CNTNAP2: variants seen among roughly 807,000 people sequenced by gnomAD.
CNTNAP2 encodes contactin-associated protein-like 2.
A neutral mutation model predicts 155.2 loss-of-function variants in CNTNAP2; 98 were observed. The ratio of observed to expected loss-of-function variants is 0.63; its 90% CI spans 0.54 to 0.75. The LOEUF (loss-of-function observed/expected upper bound fraction) is 0.75, where lower values mean the gene tolerates loss of function less well. Ranked by LOEUF, CNTNAP2 falls within the 30% of genes least tolerant of loss-of-function variation. CNTNAP2 has a pLI of 0.00. For synonymous variants in CNTNAP2, 651 were observed against 631.2 expected (o/e 1.03, Z -0.47); for missense variants, 1,727 against 1,688.1 (o/e 1.02, Z -0.40).
intron 4 of CNTNAP2, among the ~76,000 whole-genome samples, chr7:147,074,270 T>C (rs115702655): frequency 0.05 from 7,590 of 152,146 alleles, 477 homozygotes; most frequent in African/African-American, 0.15. Context: ...GTGTGCTTGG[T>C]TGGCCTATGC....
intron 13 of CNTNAP2, among the ~76,000 whole-genome samples, chr7:147,776,667 C>T (rs1349313592): frequency 6.6e-6 from 1 of 152,028 alleles, no homozygotes; most frequent in Non-Finnish European, 1.5e-5. Flanking sequence ...TGCTACCTTA[C>T]ATTAAAGAGA....
intron 3 of CNTNAP2, among the ~76,000 whole-genome samples, chr7:146,937,403 A>G (rs1028451781): frequency 1.5e-4 from 23 of 152,006 alleles, no homozygotes; most frequent in East Asian, 7.7e-4. Context: ...GCGAAAACCG[A>G]CTGTTAATAC....
At chr7:148,252,826 T>G (rs929882696) in intron 20 of CNTNAP2, among the ~76,000 whole-genome samples, 4 of 152,002 alleles carry the variant, frequency 2.6e-5, no homozygotes, top group African/African-American at 9.7e-5. Context: ...CCCACTATTA[T>G]ATACAATAAC....
chr7:146,825,135 A>G (rs1031269957), intron 2 of CNTNAP2, among the ~76,000 whole-genome samples: 1 of 152,028 alleles, frequency 6.6e-6, no homozygotes, highest in Admixed American at 6.6e-5. Flanking sequence ...AGCCTTGTGA[A>G]GTGGGACTGC....
At chr7:148,123,511 C>A (rs1407276785) in intron 16 of CNTNAP2, among the ~76,000 whole-genome samples, 1 of 152,004 alleles carries the variant, frequency 6.6e-6, no homozygotes. Context: ...GCAGGAGAAT[C>A]CCTCGAGCCC....
chr7:148,080,344 G>A (rs1803570732), intron 15 of CNTNAP2, among the ~76,000 whole-genome samples: 1 of 152,112 alleles, frequency 6.6e-6, no homozygotes, highest in African/African-American at 2.4e-5. Flanking sequence ...GGTGGCTCAA[G>A]CCTGTAATCC....
intron 3 of CNTNAP2, among the ~76,000 whole-genome samples, chr7:146,963,642 A>G (rs1428170086): frequency 7.2e-5 from 11 of 152,210 alleles, no homozygotes; most frequent in Admixed American, 7.2e-4. Context: ...GCCTAAATAT[A>G]TTCAGCCAGA....
intron 21 of CNTNAP2, among the ~76,000 whole-genome samples, chr7:148,331,276 CGGATGGAGTGGAT>C (rs1563045469): frequency 7.4e-5 from 6 of 80,932 alleles, no homozygotes; most frequent in Non-Finnish European, 9.7e-5. Flanking sequence ...ATGGAGTGGA[CGGATGGAGTGGAT>C]GGATGGAGTG....
Position 147,462,547 on chromosome 7 carries a change from A to G in CNTNAP2, c.1671-23388A>G, listed in dbSNP as rs116337950. ...CAAATGGAGCCCTAAAGATATCAGTACATTTAATTCCATATAAAAACAAAT... is the reference window on the plus strand; with the variant it reads ...CAAATGGAGCCCTAAAGATATCAGTGCATTTAATTCCATATAAAAACAAAT... On this transcript the variant is annotated intron_variant, in intron 10 of 23. Transcript: ENST00000361727. Among the ~76,000 whole-genome samples, 1,174 of 152,348 alleles carry G rather than the reference A, an allele frequency of 7.7e-3. 16 individuals carry two copies. Among genetic ancestry groups the G allele is most frequent in the African/African-American group, 0.026 (1,098 of 41,576 alleles).
chr7:147,390,087 G>A (rs1405620498), intron 9 of CNTNAP2, among the ~76,000 whole-genome samples: 1 of 152,096 alleles, frequency 6.6e-6, no homozygotes, highest in African/African-American at 2.4e-5. Flanking sequence ...TGTTCATAAA[G>A]AGAACAAACA....
Position 148,365,994 on chromosome 7 carries a change from A to G in CNTNAP2, c.3476-17655A>G, listed in dbSNP as rs1174339173. Among the ~76,000 whole-genome samples the G allele has an allele frequency of 2.9e-3, 4 of 1,368 alleles. 2 individuals carry two copies. Among genetic ancestry groups the G allele is most frequent in the African/African-American group, 3.4e-3 (4 of 1,164 alleles). The allele number at this position is 1,368 out of a possible 152,430, so 0.9% of individuals were successfully genotyped here. On this transcript the variant is annotated intron_variant, in intron 21 of 23. Transcript: ENST00000361727. ...TGTGTATGCATGTATACATGTGTGT[A>G]TGCATGTATGCATGTGTGTATGCAT... is the stretch of plus-strand genomic sequence containing the variant.
chr7:147,545,477 T>C (rs1799713113), intron 11 of CNTNAP2, among the ~76,000 whole-genome samples: 1 of 152,206 alleles, frequency 6.6e-6, no homozygotes. Flanking sequence ...TCCCTAAAAA[T>C]TAAGTGCTTA....
chr7:148,088,091 T>G (rs1541414), intron 15 of CNTNAP2, among the ~76,000 whole-genome samples: 20,422 of 152,076 alleles, frequency 0.13, 2,349 homozygotes, highest in African/African-American at 0.31. Flanking sequence ...AATGCATGTG[T>G]GCAATAGCAC....
At chr7:147,394,622 T>A (rs1284775710) in intron 9 of CNTNAP2, among the ~76,000 whole-genome samples, 4 of 151,980 alleles carry the variant, frequency 2.6e-5, no homozygotes, top group African/African-American at 4.8e-5. Flanking sequence ...AAAAATATCA[T>A]TTTCTTATGG....
chr7:147,477,449 G>T (rs6943328), intron 10 of CNTNAP2, among the ~76,000 whole-genome samples: 3,084 of 152,146 alleles, frequency 0.02, 118 homozygotes, highest in African/African-American at 0.071. Flanking sequence ...TCTACTCCAG[G>T]TTTTTAAGAT....
In CNTNAP2 at chr7:147,154,096, C is replaced by T. The variant is rs929105181; in HGVS notation, c.1348+21587C>T. Among the ~76,000 whole-genome samples the T allele has an allele frequency of 4.0e-5, 6 of 150,848 alleles. No individual in the cohort carries two copies. In the South Asian group the frequency reaches 6.2e-4, roughly 16 times the overall value. On this transcript the variant is annotated intron_variant, in intron 8 of 23. Transcript: ENST00000361727. ...GAAGATCTGATACTATTAAGATGCC[C>T]GCCCTCCCCCCACAAAAAAAAAGAA...
At chr7:146,822,481 A>G (rs1803306186) in intron 2 of CNTNAP2, among the ~76,000 whole-genome samples, 1 of 151,324 alleles carries the variant, frequency 6.6e-6, no homozygotes, top group African/African-American at 2.4e-5. Flanking sequence ...TAATAATACA[A>G]AAATTTAAAA....
intron 1 of CNTNAP2, among the ~76,000 whole-genome samples, chr7:146,731,162 A>T (rs971003180): frequency 3.3e-5 from 5 of 152,142 alleles, no homozygotes; most frequent in Non-Finnish European, 5.9e-5. Flanking sequence ...AAAGTCCCCT[A>T]GGCCTGGCTG....
intron 13 of CNTNAP2, among the ~76,000 whole-genome samples, chr7:147,824,491 A>G (rs1798414847): frequency 6.6e-6 from 1 of 152,126 alleles, no homozygotes; most frequent in African/African-American, 2.4e-5. Context: ...TGCTTACCAA[A>G]CAATTGAGGC....
Sources: gnomAD v4.1 joint callset for allele counts (sites outside exome capture counted in the v4.1 genomes callset) on GRCh38, gnomAD v4.1.1 for gene constraint, MANE v1.5 for transcripts, NCBI Gene and HGNC (gene_info 2026-07-23, HGNC 2026-07-21) for gene names.